STOML1: variants seen among roughly 807,000 people sequenced by gnomAD.
STOML1 encodes the protein stomatin-like protein 1.
STOML1 carries 27 observed loss-of-function variants against 35.7 expected under a neutral mutation model. That is an observed-to-expected ratio of 0.76 (90% confidence interval 0.56 to 1.04). The LOEUF (loss-of-function observed/expected upper bound fraction) is 1.04, where lower values mean the gene tolerates loss of function less well. Ranked by LOEUF, STOML1 falls within the 50% of genes least tolerant of loss-of-function variation. The pLI, the probability that STOML1 is intolerant of heterozygous loss-of-function variation, is 0.00. For synonymous variants in STOML1, 219 were observed against 227.9 expected, an observed-to-expected ratio of 0.96 and a Z score of 0.35; for missense variants, 451 against 527.1, an observed-to-expected ratio of 0.86 and a Z score of 1.41.
In STOML1 at chr15:73,983,378, G is replaced by A. The variant is rs1312582266; in HGVS notation, c.*559C>T. The A allele has an allele frequency of 1.3e-5, 2 of 152,388 alleles. No homozygotes were observed. Among genetic ancestry groups the A allele is most frequent in the Admixed American group, 6.5e-5 (1 of 15,290 alleles). 9.4% of individuals were successfully genotyped at this position (152,388 alleles called of 1,614,324 possible). A position where few individuals can be genotyped will look rare whatever the true frequency, so the allele number is the denominator to read the frequency against. On this transcript the variant is annotated 3_prime_UTR_variant, in exon 7 of 7. Coordinates refer to ENST00000541638, the MANE Select transcript of STOML1 (RefSeq NM_004809.5). ...AGAAATCTTTGGGAGCAGCGCCAGG[G>A]AAGCAGCAGGCCCTGCTCCTTCCCA...
At chr15:73,992,514 A>G (rs2069317616), upstream of STOML1, among the ~76,000 whole-genome samples, 1 of 152,106 alleles carries the variant, frequency 6.6e-6, no homozygotes, top group Non-Finnish European at 1.5e-5. Context: ...AGCCCTAGAA[A>G]AGCTGGAGGG....
Position 73,985,338 on chromosome 15 carries a change from C to A in STOML1, c.770G>T (p.Gly257Val). The A allele has an allele frequency of 6.5e-7, 1 of 1,545,220 alleles. No homozygotes were observed. Among genetic ancestry groups the A allele is most frequent in the South Asian group, 1.2e-5 (1 of 80,226 alleles). The change falls in exon 5 of 7, where the codon GGT becomes GTT. Residue 257 changes from glycine to valine, a missense_variant. By Grantham distance (109) the Gly-to-Val change is moderately radical. Transcript: ENST00000541638. ...CTCACCTGGCCCCGGGGACGGGGCA[C>A]CTCCTGCCATTGAGTTCATGCTTCC... ...LGGSMNSMAG[G>V]APSPGPADTV...
At chr15:73,990,594 G>T in intron 1 of STOML1, 137 bp from the exon 2 acceptor site, 1 of 929,758 alleles carries the variant, frequency 1.1e-6, no homozygotes, top group Non-Finnish European at 1.6e-6. Context: ...CTGGCTCCTT[G>T]CCTAATATTC....
Position 73,983,596 on chromosome 15 carries a change from G to C in STOML1, c.*341C>G, listed in dbSNP as rs1263807908. The C allele has an allele frequency of 2.1e-5, 5 of 234,198 alleles. No homozygotes were observed. The highest frequency in any genetic ancestry group is 4.1e-5 in the Non-Finnish European group (5 of 121,004). The allele number at this position is 234,198 out of a possible 1,614,324, so 14.5% of individuals were successfully genotyped here. On this transcript the variant is annotated 3_prime_UTR_variant, in exon 7 of 7. Coordinates refer to ENST00000541638, the MANE Select transcript of STOML1 (RefSeq NM_004809.5). ...TCACACAAGGACCAAACCAGCTGCT[G>C]TCAGGCTGTTTCTGTGGGTCCTGTC... is the stretch of plus-strand genomic sequence containing the variant.
chr15:73,990,755 C>A, intron 1 of STOML1: 1 of 1,474,976 alleles, frequency 6.8e-7, no homozygotes, highest in African/African-American at 1.4e-5. Flanking sequence ...TGATGATGCT[C>A]TCCTCACTGG....
chr15:73,983,973 G>T lies in STOML1; in HGVS notation c.1161C>A (p.Ala387=). ...RLKVKGDLAM[A]MKLEAVLRAL... Reference sequence around the variant, plus strand: ...CCCTGAGGACAGCCTCCAGCTTCATGGCCATAGCCAGGTCGCCCTTCACCT... The same window carrying T: ...CCCTGAGGACAGCCTCCAGCTTCATTGCCATAGCCAGGTCGCCCTTCACCT... Residue 387 remains alanine, a synonymous_variant, in exon 7 of 7, where the codon GCC becomes GCA. Transcript: ENST00000541638. 6.2e-7 allele frequency: 1 copy of T among 1,614,008 alleles called. No individual in the cohort carries two copies. Among genetic ancestry groups the T allele is most frequent in the Admixed American group, 1.7e-5 (1 of 60,034 alleles).
intron 6 of STOML1, 84 bp downstream of exon 6, chr15:73,984,575 G>A: frequency 4.0e-6 from 6 of 1,483,498 alleles, no homozygotes; most frequent in East Asian, 2.3e-5. Flanking sequence ...GGAGCAGGGG[G>A]CAGTCTACGA....
upstream of STOML1, chr15:73,992,305 G>T: frequency 2.1e-6 from 3 of 1,442,808 alleles, no homozygotes; most frequent in Non-Finnish European, 2.7e-6. Flanking sequence ...CGCCCTCCTG[G>T]CTGCTGCTTC....
At position 73,985,423 on chromosome 15, in the gene STOML1, T is replaced by G; in HGVS notation, c.685A>C (p.Ser229Arg). 6.4e-7 allele frequency: 1 copy of G among 1,558,210 alleles called. No homozygotes were observed. Among genetic ancestry groups the G allele is most frequent in the Non-Finnish European group, 8.6e-7 (1 of 1,159,844 alleles). ...CTGTCCAGGTTGGGCCCAGCTGGGC[T>G]GTCCTGGGGCGGCTGGAGCACGGCC... ...VEAVLQPPQD[S>R]PAGPNLDSTL... The change falls in exon 5 of 7, where the codon AGC becomes CGC. Residue 229 changes from serine to arginine, a missense_variant. Physicochemically the swap from Ser to Arg is moderately radical, Grantham distance 110. Transcript: ENST00000541638.
chr15:73,979,734 A>C lies in STOML1; in HGVS notation c.*4203T>G, dbSNP rs1595856283. ...AGGGGAAGAGAAACCAAACCAAACC[A>C]AACCCTGTTCTTTGCTGGAGCTAGA... On this transcript the variant is annotated 3_prime_UTR_variant, in exon 7 of 7. Transcript: ENST00000541638. 1 of 152,186 alleles carries C rather than the reference A, an allele frequency of 6.6e-6. No homozygotes were observed. The highest frequency in any genetic ancestry group is 2.4e-5 in the African/African-American group (1 of 41,436). 9.4% of individuals were successfully genotyped at this position (152,186 alleles called of 1,614,324 possible). A position where few individuals can be genotyped will look rare whatever the true frequency, so the allele number is the denominator to read the frequency against.
Position 73,982,883 on chromosome 15 carries a change from G to C in STOML1, c.*1054C>G, listed in dbSNP as rs547346590. 7 of 152,282 alleles carry C rather than the reference G, an allele frequency of 4.6e-5. No homozygotes were observed. In the East Asian group the frequency reaches 1.4e-3, roughly 29 times the overall value. The allele number at this position is 152,282 out of a possible 1,614,324, so 9.4% of individuals were successfully genotyped here. A position where few individuals can be genotyped will look rare whatever the true frequency, so the allele number is the denominator to read the frequency against. ...GAGAAGCAGTGACAGAGTGTACCAG[G>C]AGGGGAAGCTGACGGTGGCCCCAAC... On this transcript the variant is annotated 3_prime_UTR_variant, in exon 7 of 7. Coordinates refer to ENST00000541638, the MANE Select transcript of STOML1 (RefSeq NM_004809.5).
At chr15:73,984,210 T>C (rs9630436) in intron 6 of STOML1, 80 bp from the exon 7 acceptor site, 436,408 of 1,432,284 alleles carry the variant, frequency 0.3, 68,514 homozygotes, top group African/African-American at 0.43. Context: ...GAGGGGCTGG[T>C]ATTTCCCATT....
At position 73,992,173 on chromosome 15, in the gene STOML1, G is replaced by C; in HGVS notation, c.51C>G (p.Arg17=). 6.2e-7 allele frequency: 1 copy of C among 1,609,022 alleles called. No homozygotes were observed. The highest frequency in any genetic ancestry group is 1.1e-5 in the South Asian group (1 of 90,980). ...GAAAGCCGAAGCTCGACTGCTGGAA[G>C]CGGTCAAAATCACCCAGGGGCAGCG... ...YRALPLGDFD[R]FQQSSFGFLG... is the part of the protein sequence containing the mutation. The change falls in exon 1 of 7, where the codon CGC becomes CGG. Residue 17 remains arginine, a synonymous_variant. Coordinates refer to ENST00000541638, the MANE Select transcript of STOML1 (RefSeq NM_004809.5).
At chr15:73,986,407 T>C (rs2069102911) in intron 4 of STOML1, 2 of 151,294 alleles carry the variant, frequency 1.3e-5, no homozygotes, top group African/African-American at 4.9e-5. Flanking sequence ...AATTGTCCAG[T>C]AGGCAGCTGG....
chr15:73,991,976 C>T, intron 1 of STOML1, 115 bp downstream of exon 1: 3 of 1,398,392 alleles, frequency 2.1e-6, no homozygotes, highest in Non-Finnish European at 2.8e-6. Context: ...CTTTCTCAGT[C>T]CCCCCTCGTA....
At chr15:73,994,570 T>G (rs2069379621), upstream of STOML1, 2 of 588,582 alleles carry the variant, frequency 3.4e-6, no homozygotes, top group East Asian at 5.8e-5. Flanking sequence ...GCGGTAGGTC[T>G]GCAGCTCTCC....
At position 73,978,931 on chromosome 15, in the gene STOML1, A is replaced by G. The variant is rs983186377; in HGVS notation, c.*5006T>C. ...TGTCCAAACAAAGACTTGTACACAG[A>G]TGTCTGGAGGAGCTTTATTTAATAA... On this transcript the variant is annotated 3_prime_UTR_variant, in exon 7 of 7. Transcript: ENST00000541638. 6.6e-6 allele frequency: 1 copy of G among 152,232 alleles called. No individual in the cohort carries two copies. Among genetic ancestry groups the G allele is most frequent in the African/African-American group, 2.4e-5 (1 of 41,466 alleles). 9.4% of individuals were successfully genotyped at this position (152,232 alleles called of 1,614,324 possible). A position where few individuals can be genotyped will look rare whatever the true frequency, so the allele number is the denominator to read the frequency against.
At chr15:73,993,101 C>T (rs1189509848), upstream of STOML1, among the ~76,000 whole-genome samples, 1 of 152,150 alleles carries the variant, frequency 6.6e-6, no homozygotes, top group African/African-American at 2.4e-5. Context: ...CACATGCAGA[C>T]TTCGGGGAGC....
chr15:73,983,804 G>A lies in STOML1; in HGVS notation c.*133C>T. On this transcript the variant is annotated 3_prime_UTR_variant, in exon 7 of 7. Coordinates refer to ENST00000541638, the MANE Select transcript of STOML1 (RefSeq NM_004809.5). Reference sequence around the variant, plus strand: ...TCAGCCTCCTGCAGCCTCCATTCATGGGCTCTTGGCTGGGCCTGAAATTTG... The same window carrying A: ...TCAGCCTCCTGCAGCCTCCATTCATAGGCTCTTGGCTGGGCCTGAAATTTG... 1 of 1,036,506 alleles carries A rather than the reference G, an allele frequency of 9.6e-7. No individual in the cohort carries two copies. Among genetic ancestry groups the A allele is most frequent in the Non-Finnish European group, 1.4e-6 (1 of 725,938 alleles). 64.2% of individuals were successfully genotyped at this position (1,036,506 alleles called of 1,614,324 possible).
Sources: allele counts gnomAD v4.1 joint callset (sites outside exome capture counted in the v4.1 genomes callset), GRCh38; gene constraint gnomAD v4.1.1; transcripts MANE v1.5; gene names NCBI Gene and HGNC (gene_info 2026-07-23, HGNC 2026-07-21).